The following NSF variants were observed in gnomAD, a reference collection of about 807,000 sequenced individuals.
The protein encoded by NSF is N-ethylmaleimide sensitive factor, vesicle fusing ATPase, also known as vesicle-fusing ATPase.
In NSF, 14 loss-of-function variants were observed where a neutral mutation model predicts 50.3. That is an observed-to-expected ratio of 0.28 (90% CI 0.18 to 0.44). NSF has a LOEUF of 0.44. Ranked by LOEUF, NSF falls within the 20% of genes least tolerant of loss-of-function variation. The probability of loss-of-function intolerance (pLI) is 1.00; values close to 1 mark genes in which losing one functional copy is unlikely to be tolerated. For missense variants in NSF, 218 were observed against 504.3 expected, an observed-to-expected ratio of 0.43 and a Z score of 5.44; for synonymous variants, 109 against 175.7, an observed-to-expected ratio of 0.62 and a Z score of 3.00.
At chr17:46,714,546 G>C (rs2058750053) in intron 15 of NSF, among the ~76,000 whole-genome samples, 1 of 152,150 alleles carries the variant, frequency 6.6e-6, no homozygotes, top group South Asian at 2.1e-4. Context: ...TACCATCAGT[G>C]AAGTTAGAAC....
intron 15 of NSF, among the ~76,000 whole-genome samples, chr17:46,723,231 C>T (rs979852004): frequency 6.6e-6 from 1 of 152,186 alleles, no homozygotes; most frequent in Non-Finnish European, 1.5e-5. Flanking sequence ...TGTGGTGTTC[C>T]AGGTCCCTGT....
At chr17:46,728,655 AT>A (rs1331484699) in intron 16 of NSF, among the ~76,000 whole-genome samples, 199 bp from the exon 17 acceptor site, 2 of 150,676 alleles carry the variant, frequency 1.3e-5, no homozygotes, top group African/African-American at 4.9e-5. Context: ...TATTAGAGAT[AT>A]TTTTTCTTAT....
rs17852784 is a variant in NSF, at chr17:46,713,914, G to A, written c.1689G>A (p.Pro563=). 12 of 1,612,416 alleles carry A rather than the reference G, an allele frequency of 7.4e-6. No homozygotes were observed. Among genetic ancestry groups the A allele is most frequent in the East Asian group, 4.5e-5 (2 of 44,838 alleles). The part of the protein sequence containing the change: ...AAKIAEESNF[P]FIKICSPDKM... ...AAATTGCAGAGGAATCCAACTTCCC[G>A]TTCATCAAGATCTGTTCTCCTGATA... Residue 563 remains proline (P), a synonymous_variant, in exon 15 of 21, where the codon CCG becomes CCA. Coordinates refer to ENST00000398238, the MANE Select transcript of NSF (RefSeq NM_006178.4).
chr17:46,684,443 T>TATA (rs1374543868), intron 9 of NSF, among the ~76,000 whole-genome samples: 2 of 152,080 alleles, frequency 1.3e-5, no homozygotes, highest in African/African-American at 4.8e-5. Context: ...CATGTGTCTT[T>TATA]ATAGTCGAAT....
At chr17:46,727,553 C>T (rs924694937) in intron 16 of NSF, among the ~76,000 whole-genome samples, 1 of 152,030 alleles carries the variant, frequency 6.6e-6, no homozygotes, top group Non-Finnish European at 1.5e-5. Context: ...TGCTTTTGGT[C>T]CTCTGTTATT....
intron 5 of NSF, among the ~76,000 whole-genome samples, chr17:46,638,464 G>A (rs1485729311): frequency 3.9e-5 from 2 of 51,804 alleles, no homozygotes; most frequent in Admixed American, 2.4e-4. Flanking sequence ...TGCAACCTCC[G>A]CTTTCTGGGT....
intron 1 of NSF, among the ~76,000 whole-genome samples, chr17:46,609,427 C>T (rs2057984254): frequency 6.6e-6 from 1 of 151,894 alleles, no homozygotes; most frequent in Admixed American, 6.5e-5. Context: ...ATTTGAGCAT[C>T]TCCTGCACCT....
intron 17 of NSF, among the ~76,000 whole-genome samples, chr17:46,747,098 A>G (rs567784898): frequency 2.0e-5 from 3 of 152,202 alleles, no homozygotes; most frequent in Non-Finnish European, 4.4e-5. Context: ...TGATCATCCT[A>G]TAGTGAAGCC....
intron 13 of NSF, among the ~76,000 whole-genome samples, chr17:46,708,246 T>G (rs2058676011): frequency 6.6e-6 from 1 of 152,138 alleles, no homozygotes; most frequent in Non-Finnish European, 1.5e-5. Context: ...AATTCTATTT[T>G]TAATTTTTTG....
chr17:46,746,044 T>C (rs895198153), intron 17 of NSF, among the ~76,000 whole-genome samples: 2 of 152,196 alleles, frequency 1.3e-5, no homozygotes, highest in African/African-American at 4.8e-5. Context: ...CACGTGTTTC[T>C]TCCCTCTACC....
In NSF at chr17:46,735,551, A is replaced by G. The variant is rs116503588; in HGVS notation, c.1908+6617A>G. ...AACGTCCCTTAATTTCTTGGTGTCT[A>G]TTTCTTCATCTGTAAAATAGAGATA... On this transcript the variant is annotated intron_variant, in intron 17 of 20. Transcript: ENST00000398238. Among the ~76,000 whole-genome samples the G allele has an allele frequency of 2.9e-3, 439 of 151,868 alleles. 5 individuals are homozygous for G. Among genetic ancestry groups the G allele is most frequent in the African/African-American group, 0.01 (419 of 41,402 alleles).
chr17:46,621,816 CTG>C (rs1175336627), intron 1 of NSF, among the ~76,000 whole-genome samples: 4 of 120,906 alleles, frequency 3.3e-5, no homozygotes, highest in Non-Finnish European at 7.2e-5. Flanking sequence ...ACCCCACACA[CTG>C]TATTTGTCCT....
At chr17:46,735,838 G>A (rs1361670869) in intron 17 of NSF, among the ~76,000 whole-genome samples, 1 of 152,072 alleles carries the variant, frequency 6.6e-6, no homozygotes, top group East Asian at 1.9e-4. Context: ...CCAGCGACTC[G>A]GGAAGCTGAG....
intron 15 of NSF, among the ~76,000 whole-genome samples, chr17:46,718,597 C>T (rs1045745367): frequency 1.1e-4 from 17 of 152,162 alleles, no homozygotes; most frequent in Admixed American, 2.0e-4. Flanking sequence ...CCCCCATTTT[C>T]TCATTAGATT....
rs1295885573 is a variant in NSF at position 46,721,881 on chromosome 17, C to A, written c.1762-4668C>A. Reference sequence around the variant, plus strand: ...GGCTTAGGCAGAATTCTCCTCTGAGCGATAAAGACGACATGCTTCCCACTG... The same window carrying A: ...GGCTTAGGCAGAATTCTCCTCTGAGAGATAAAGACGACATGCTTCCCACTG... On this transcript the variant is annotated intron_variant, in intron 15 of 20. Coordinates refer to ENST00000398238, the MANE Select transcript of NSF (RefSeq NM_006178.4). 1.8e-5 allele frequency: 29 copies of A among 1,583,954 alleles called. No individual in the cohort carries two copies. The Admixed American group carries it at 4.8e-4, about 26-fold the overall frequency.
Position 46,755,862 on chromosome 17 carries a change from G to T in NSF, c.*39G>T. On this transcript the variant is annotated 3_prime_UTR_variant, in exon 21 of 21. Transcript: ENST00000398238. ...GAAACACACAGTGACCAAGGGAAGTGACCAAGGTGAAGATGGCCTAGGATC... is the reference window on the plus strand; with the variant it reads ...GAAACACACAGTGACCAAGGGAAGTTACCAAGGTGAAGATGGCCTAGGATC... 1 of 1,603,636 alleles carries T rather than the reference G, an allele frequency of 6.2e-7. No homozygotes were observed. Among genetic ancestry groups the T allele is most frequent in the South Asian group, 1.1e-5 (1 of 89,774 alleles).
At chr17:46,638,436 G>A (rs1221023402) in intron 5 of NSF, among the ~76,000 whole-genome samples, 5 of 46,784 alleles carry the variant, frequency 1.1e-4, no homozygotes, top group African/African-American at 3.6e-4. Flanking sequence ...GGAGTGCAGC[G>A]GCACCATCTC....
At chr17:46,710,203 T>A (rs1037209411) in intron 13 of NSF, among the ~76,000 whole-genome samples, 2 of 152,246 alleles carry the variant, frequency 1.3e-5, no homozygotes, top group Admixed American at 6.5e-5. Flanking sequence ...TATGTTTTCC[T>A]ATTTATTCTG....
chr17:46,748,933 G>A (rs1466641625), intron 17 of NSF, among the ~76,000 whole-genome samples: 1 of 152,134 alleles, frequency 6.6e-6, no homozygotes, highest in Non-Finnish European at 1.5e-5. Context: ...AATAAATACT[G>A]AATATAGATT....
Sources: allele counts gnomAD v4.1 joint callset (sites outside exome capture counted in the v4.1 genomes callset), GRCh38; gene constraint gnomAD v4.1.1; transcripts MANE v1.5; gene names NCBI Gene and HGNC (gene_info 2026-07-23, HGNC 2026-07-21).